CDS1: variants seen among roughly 807,000 people sequenced by gnomAD.
CDS1 encodes the protein phosphatidate cytidylyltransferase 1.
In CDS1, 41 loss-of-function variants were observed where a neutral mutation model predicts 62.1. That is an observed-to-expected ratio of 0.66 (90% CI 0.51 to 0.86). The LOEUF is 0.86. Ranked by LOEUF, CDS1 falls within the 40% of genes least tolerant of loss-of-function variation. The pLI is 0.00. For synonymous variants in CDS1, 185 were observed against 192.6 expected (o/e 0.96, Z 0.32); for missense variants, 470 against 550.1 (o/e 0.85, Z 1.46).
At chr4:84,645,153 G>T in intron 11 of CDS1, 69 bp from the exon 12 acceptor site, 1 of 980,926 alleles carries the variant, frequency 1.0e-6, no homozygotes, top group South Asian at 1.3e-5. Context: ...ACGCCAAAGA[G>T]ACACAGATAG....
At chr4:84,625,785 A>G (rs1176840555) in intron 5 of CDS1, among the ~76,000 whole-genome samples, 1 of 151,752 alleles carries the variant, frequency 6.6e-6, no homozygotes, top group East Asian at 1.9e-4. Context: ...GATCAGGCAG[A>G]CTAGATAGGA....
At chr4:84,614,784 C>T (rs1319065453) in intron 3 of CDS1, among the ~76,000 whole-genome samples, 3 of 152,150 alleles carry the variant, frequency 2.0e-5, no homozygotes, top group Non-Finnish European at 4.4e-5. Flanking sequence ...CCAGGGTGGT[C>T]TTTGATATGT....
At chr4:84,593,301 G>C (rs1291942854) in intron 1 of CDS1, among the ~76,000 whole-genome samples, 1 of 152,094 alleles carries the variant, frequency 6.6e-6, no homozygotes, top group Non-Finnish European at 1.5e-5. Context: ...ACTAGCTAGC[G>C]ATCTGGGTGA....
intron 4 of CDS1, among the ~76,000 whole-genome samples, chr4:84,618,147 A>G (rs929876292): frequency 6.6e-6 from 1 of 152,212 alleles, no homozygotes; most frequent in Non-Finnish European, 1.5e-5. Context: ...CTTTTCATAT[A>G]TAAATCATTG....
Position 84,602,291 on chromosome 4 carries a change from T to C in CDS1, c.118-1952T>C, listed in dbSNP as rs1722960670. Among the ~76,000 whole-genome samples the C allele has an allele frequency of 2.6e-5, 4 of 152,298 alleles. No individual in the cohort carries two copies. The South Asian group carries it at 8.3e-4, about 32-fold the overall frequency. On this transcript the variant is annotated intron_variant, in intron 1 of 12. Coordinates refer to ENST00000295887, the MANE Select transcript of CDS1 (RefSeq NM_001263.4). ...AGGGTATAAAATAGAAATCAGAAGC[T>C]TAAATAATATAAATAAAAGCAGGAC...
In CDS1 at chr4:84,609,486, C is replaced by T. The variant is rs1450264254; in HGVS notation, c.303C>T (p.Phe101=). ...ILTLTMISLF[F]LIIYMGSFML... ...CTCTAACTATGATCTCGTTGTTTTTCCTGATCATCTATATGGGATCCTTCA... is the reference window on the plus strand; with the variant it reads ...CTCTAACTATGATCTCGTTGTTTTTTCTGATCATCTATATGGGATCCTTCA... The change falls in exon 3 of 13, where the codon TTC becomes TTT. Residue 101 remains phenylalanine (F), a synonymous_variant. Transcript: ENST00000295887. 1 of 1,610,782 alleles carries T rather than the reference C, an allele frequency of 6.2e-7. No homozygotes were observed. Among genetic ancestry groups the T allele is most frequent in the Non-Finnish European group, 8.5e-7 (1 of 1,177,408 alleles).
At chr4:84,631,556 G>A (rs1193992211) in intron 5 of CDS1, among the ~76,000 whole-genome samples, 11 of 151,908 alleles carry the variant, frequency 7.2e-5, no homozygotes, top group Admixed American at 3.3e-4. Context: ...TATTAGCAGG[G>A]GACTAATTAA....
intron 2 of CDS1, among the ~76,000 whole-genome samples, chr4:84,608,877 A>C (rs953320342): frequency 2.0e-5 from 3 of 151,858 alleles, no homozygotes; most frequent in South Asian, 4.1e-4. Context: ...CTCACATTTA[A>C]CAAAAATTAT....
At chr4:84,628,969 G>C (rs1723937713) in intron 5 of CDS1, among the ~76,000 whole-genome samples, 1 of 152,080 alleles carries the variant, frequency 6.6e-6, no homozygotes, top group Non-Finnish European at 1.5e-5. Context: ...ACAATACTAT[G>C]TAGATAAATG....
At position 84,643,107 on chromosome 4, in the gene CDS1, C is replaced by A. The variant is rs760958170; in HGVS notation, c.1116C>A (p.Phe372Leu). The change falls in exon 11 of 13, where the codon TTC becomes TTA. Residue 372 changes from phenylalanine to leucine, a missense_variant. Phe to Leu is a conservative substitution (Grantham distance 22). This residue lies in a region of CDS1 where 214 missense variants were observed against 242.4 expected (regional missense o/e 0.88). Transcript: ENST00000295887. ...FASLIGPFGG[F>L]FASGFKRAFK... Reference sequence around the variant, plus strand: ...CTTTAATTGGCCCATTTGGAGGCTTCTTTGCTAGTGGATTCAAAAGAGCCT... The same window carrying A: ...CTTTAATTGGCCCATTTGGAGGCTTATTTGCTAGTGGATTCAAAAGAGCCT... 1 of 1,613,142 alleles carries A rather than the reference C, an allele frequency of 6.2e-7. No homozygotes were observed. The highest frequency in any genetic ancestry group is 1.3e-5 in the African/African-American group (1 of 74,984).
chr4:84,635,917 C>T (rs989937402), intron 8 of CDS1, among the ~76,000 whole-genome samples: 41 of 151,332 alleles, frequency 2.7e-4, no homozygotes, highest in African/African-American at 4.1e-4. Flanking sequence ...CCACCACACC[C>T]GGCTAATTTT....
chr4:84,628,218 A>G (rs766973886), intron 5 of CDS1, among the ~76,000 whole-genome samples: 3 of 152,096 alleles, frequency 2.0e-5, no homozygotes, highest in Non-Finnish European at 4.4e-5. Flanking sequence ...GGCCCATCCT[A>G]CTGTCTGCTT....
chr4:84,645,243 G>GGA lies in CDS1; in HGVS notation c.1175_1176dup (p.His393AspfsTer5). 1 of 1,611,430 alleles carries GGA rather than the reference G, an allele frequency of 6.2e-7. No homozygotes were observed. The highest frequency in any genetic ancestry group is 8.5e-7 in the Non-Finnish European group (1 of 1,177,796). Reference sequence around the variant, plus strand: ...AAAGGATTTTGCAAATACCATTCCTGGACATGGTGGGATAATGGACAGATT... The same window carrying GGA: ...AAAGGATTTTGCAAATACCATTCCTGGAGACATGGTGGGATAATGGACAGATT... On this transcript the variant is annotated frameshift_variant, in exon 12 of 13. Coordinates refer to ENST00000295887, the MANE Select transcript of CDS1 (RefSeq NM_001263.4). LOFTEE classifies it high-confidence loss of function.
chr4:84,617,160 A>G (rs1247018868), intron 3 of CDS1, among the ~76,000 whole-genome samples: 2 of 152,210 alleles, frequency 1.3e-5, no homozygotes, highest in African/African-American at 2.4e-5. Context: ...AAACTTTCAT[A>G]TATGATTTTC....
chr4:84,612,352 C>T (rs1483545214), intron 3 of CDS1, among the ~76,000 whole-genome samples: 2 of 151,892 alleles, frequency 1.3e-5, no homozygotes, highest in Non-Finnish European at 2.9e-5. Flanking sequence ...AAATGTTGAT[C>T]TAAGATATCA....
At chr4:84,616,096 A>G (rs1171638606) in intron 3 of CDS1, among the ~76,000 whole-genome samples, 1 of 152,252 alleles carries the variant, frequency 6.6e-6, no homozygotes, top group Non-Finnish European at 1.5e-5. Flanking sequence ...TTACATCAGT[A>G]TGATATTTTA....
rs192226510 is a variant in CDS1 at position 84,640,034 on chromosome 4, G to A, written c.880-804G>A. Among the ~76,000 whole-genome samples the A allele has an allele frequency of 2.0e-3, 303 of 150,658 alleles. 8 individuals are homozygous for A. Among genetic ancestry groups the A allele is most frequent in the Non-Finnish European group, 3.4e-4 (23 of 67,670 alleles). On this transcript the variant is annotated intron_variant, in intron 9 of 12. Coordinates refer to ENST00000295887, the MANE Select transcript of CDS1 (RefSeq NM_001263.4). ...CTAACTTGAAAATACCACAGGAATA[G>A]CCATATCATTGGAAGAAAAGTAGGA...
chr4:84,632,472 G>A (rs569846365), intron 6 of CDS1, among the ~76,000 whole-genome samples: 23 of 152,266 alleles, frequency 1.5e-4, no homozygotes, highest in Non-Finnish European at 2.4e-4. Flanking sequence ...TCATGTGATA[G>A]TGAGGCTTAT....
In CDS1 at chr4:84,642,918, C is replaced by T. The variant is rs1578055610; in HGVS notation, c.1033-106C>T. The T allele has an allele frequency of 1.7e-5, 18 of 1,080,234 alleles. No homozygotes were observed. In the East Asian group the frequency reaches 3.4e-4, roughly 20 times the overall value. 66.9% of individuals were successfully genotyped at this position (1,080,234 alleles called of 1,614,324 possible). ...TTGAAAAATTAACAAAAATGTGGTG[C>T]GTGCTTTGACTTACTATTTACACAA... On this transcript the variant is annotated intron_variant, in intron 10 of 12. Transcript: ENST00000295887.
Sources: gnomAD v4.1 joint callset for allele counts (sites outside exome capture counted in the v4.1 genomes callset) on GRCh38, gnomAD v4.1.1 for gene constraint, gnomAD v4.1.1 regional missense constraint, MANE v1.5 for transcripts, NCBI Gene and HGNC (gene_info 2026-07-23, HGNC 2026-07-21) for gene names.